RPF1: variants seen among roughly 807,000 people sequenced by gnomAD.
RPF1 encodes the protein ribosome production factor 1.
In RPF1, 34 loss-of-function variants were observed where a neutral mutation model predicts 41.9. That is an observed-to-expected ratio of 0.81 (90% CI 0.62 to 1.08). The LOEUF (loss-of-function observed/expected upper bound fraction) is 1.08. Ranked by LOEUF, RPF1 falls within the 50% of genes least tolerant of loss-of-function variation. The probability of loss-of-function intolerance (pLI) is 0.00; values close to 1 mark genes in which losing one functional copy is unlikely to be tolerated. For synonymous variants in RPF1, 140 were observed against 148.9 expected (o/e 0.94, Z 0.43); for missense variants, 425 against 435.2 (o/e 0.98, Z 0.21).
At position 84,481,022 on chromosome 1, in the gene RPF1, A is replaced by C; in HGVS notation, c.285+10A>C. The C allele has an allele frequency of 6.5e-7, 1 of 1,541,046 alleles. No homozygotes were observed. Among genetic ancestry groups the C allele is most frequent in the Non-Finnish European group, 8.9e-7 (1 of 1,124,264 alleles). On this transcript the variant is annotated intron_variant, in intron 2 of 8. Coordinates refer to ENST00000370654, the MANE Select transcript of RPF1 (RefSeq NM_025065.7). ...GGCTCTTGGCGATAAGGTAAATAAA[A>C]TTTTTAGCTGTTTGCTTTCTATCTT... is the stretch of plus-strand genomic sequence containing the variant.
At chr1:84,489,879 G>A (rs1236645791) in intron 4 of RPF1, 151 bp downstream of exon 4, 1 of 598,336 alleles carries the variant, frequency 1.7e-6, no homozygotes, top group Admixed American at 2.9e-5. Flanking sequence ...GTAATATGAT[G>A]TAGGTTTACT....
intron 3 of RPF1, among the ~76,000 whole-genome samples, chr1:84,488,030 C>T (rs921174587): frequency 5.3e-5 from 8 of 151,970 alleles, no homozygotes; most frequent in African/African-American, 1.4e-4. Flanking sequence ...CTATTTGCTT[C>T]GTCAGTTTGT....
intron 3 of RPF1, among the ~76,000 whole-genome samples, chr1:84,483,542 C>T (rs12134893): frequency 0.021 from 3,190 of 152,292 alleles, 54 homozygotes; most frequent in South Asian, 0.041. Flanking sequence ...GCTGGGATTA[C>T]AGGCATGAGC....
Position 84,479,285 on chromosome 1 carries a change from G to T in RPF1, c.4G>T (p.Ala2Ser). M[A>S]KAGDKSSSSG... is the part of the protein sequence containing the mutation. ...CGGAAGCAAAGGAGCCAAGACCATG[G>T]CGAAAGCCGGGGATAAGAGCAGCAG... The change falls in exon 1 of 9, where the codon GCG becomes TCG. Residue 2 changes from alanine to serine, a missense_variant. Physicochemically the swap from Ala to Ser is moderately conservative, Grantham distance 99. Coordinates refer to ENST00000370654, the MANE Select transcript of RPF1 (RefSeq NM_025065.7). The T allele has an allele frequency of 6.3e-7, 1 of 1,597,122 alleles. No individual in the cohort carries two copies.
intron 5 of RPF1, 124 bp downstream of exon 5, chr1:84,490,596 G>A (rs1312830601): frequency 4.3e-6 from 3 of 693,418 alleles, no homozygotes; most frequent in Non-Finnish European, 6.8e-6. Flanking sequence ...TCAGAAAATT[G>A]TATCTCTTTC....
chr1:84,490,296 A>T, intron 4 of RPF1, 23 bp from the exon 5 acceptor site: 1 of 1,498,640 alleles, frequency 6.7e-7, no homozygotes, highest in Non-Finnish European at 8.9e-7. Flanking sequence ...ACTATTCAAA[A>T]TTTTTGTTAT....
chr1:84,496,255 G>A lies in RPF1; in HGVS notation c.893G>A (p.Arg298Lys). 6.2e-7 allele frequency: 1 copy of A among 1,613,048 alleles called. No individual in the cohort carries two copies. Among genetic ancestry groups the A allele is most frequent in the Non-Finnish European group, 8.5e-7 (1 of 1,179,352 alleles). Residue 298 changes from arginine to lysine, a missense_variant, in exon 8 of 9, where the codon AGG becomes AAG. Transcript: ENST00000370654. ...IFFRFHRYIF[R>K]SEKKVGIQEL... Reference sequence around the variant, plus strand: ...TTTTGTCTTTGAAGATACATATTCAGGAGTGAAAAGAAAGTGGGAATTCAG... The same window carrying A: ...TTTTGTCTTTGAAGATACATATTCAAGAGTGAAAAGAAAGTGGGAATTCAG...
chr1:84,495,755 GGTA>G, intron 6 of RPF1, 124 bp from the exon 7 acceptor site: 2 of 606,544 alleles, frequency 3.3e-6, no homozygotes, highest in East Asian at 2.9e-5. Context: ...AGCCATCTGT[GGTA>G]GTTTGTCACT....
chr1:84,495,827 C>G (rs915132983), intron 6 of RPF1, 55 bp from the exon 7 acceptor site: 1 of 1,136,970 alleles, frequency 8.8e-7, no homozygotes. Context: ...TGCATTGGGA[C>G]GTATTGCCAA....
chr1:84,485,849 G>C (rs181803084), intron 3 of RPF1, among the ~76,000 whole-genome samples: 25 of 152,246 alleles, frequency 1.6e-4, no homozygotes, highest in Middle Eastern at 3.4e-3. Context: ...GTATATCACT[G>C]TAGTTTTAAT....
Position 84,497,849 on chromosome 1 carries a change from A to G in RPF1, c.*379A>G, listed in dbSNP as rs1241582931. 1.9e-5 allele frequency: 3 copies of G among 160,044 alleles called. No homozygotes were observed. The highest frequency in any genetic ancestry group is 1.3e-4 in the Admixed American group (2 of 15,530). The allele number at this position is 160,044 out of a possible 1,614,324, so 9.9% of individuals were successfully genotyped here. A position where few individuals can be genotyped will look rare whatever the true frequency, so the allele number is the denominator to read the frequency against. ...ACCTTGGATTCCCAGTGTCTGGCAC[A>G]GTTTTAATAGCTTAAATGGAGGCCA... is the stretch of plus-strand genomic sequence containing the variant. On this transcript the variant is annotated 3_prime_UTR_variant, in exon 9 of 9. Coordinates refer to ENST00000370654, the MANE Select transcript of RPF1 (RefSeq NM_025065.7).
chr1:84,483,035 A>G (rs376926225), intron 3 of RPF1, 40 bp downstream of exon 3: 17 of 1,219,816 alleles, frequency 1.4e-5, no homozygotes, highest in Non-Finnish European at 1.8e-5. Flanking sequence ...ATGATCACAT[A>G]TAATTGATAA....
rs1286594606 is a variant in RPF1 at position 84,479,658 on chromosome 1, G to C, written c.228+149G>C. ...GGTGGCGTCGCGGCCCACGTGTTCT[G>C]GTCCCCTCGCCCTAGTTTGGAGACT... On this transcript the variant is annotated intron_variant, in intron 1 of 8. Coordinates refer to ENST00000370654, the MANE Select transcript of RPF1 (RefSeq NM_025065.7). 1.1e-5 allele frequency: 8 copies of C among 710,070 alleles called. No individual in the cohort carries two copies. In the Admixed American group the frequency reaches 2.3e-4, roughly 21 times the overall value. The allele number at this position is 710,070 out of a possible 1,614,324, so 44.0% of individuals were successfully genotyped here.
intron 2 of RPF1, 36 bp downstream of exon 2, chr1:84,481,048 A>AT: frequency 2.6e-6 from 3 of 1,175,166 alleles, no homozygotes; most frequent in Non-Finnish European, 2.5e-6. Context: ...TTTCTATCTT[A>AT]TATTAGGGAA....
At chr1:84,494,838 G>A (rs1451794519) in intron 5 of RPF1, among the ~76,000 whole-genome samples, 1 of 152,152 alleles carries the variant, frequency 6.6e-6, no homozygotes, top group Non-Finnish European at 1.5e-5. Context: ...CTAAGTAAGG[G>A]GTGATCTCTT....
intron 5 of RPF1, among the ~76,000 whole-genome samples, chr1:84,493,062 C>T (rs772042556): frequency 5.3e-5 from 8 of 152,076 alleles, no homozygotes; most frequent in African/African-American, 9.7e-5. Context: ...GCCTCTTGCA[C>T]AATGCAGGTA....
At chr1:84,492,716 C>G (rs930486861) in intron 5 of RPF1, among the ~76,000 whole-genome samples, 7 of 152,160 alleles carry the variant, frequency 4.6e-5, no homozygotes, top group African/African-American at 1.7e-4. Flanking sequence ...AAATGGGGAA[C>G]TACTGTTATT....
Position 84,497,544 on chromosome 1 carries a change from T to C in RPF1, c.*74T>C. The C allele has an allele frequency of 8.8e-7, 1 of 1,138,580 alleles. No homozygotes were observed. Among genetic ancestry groups the C allele is most frequent in the Non-Finnish European group, 1.3e-6 (1 of 789,822 alleles). 70.5% of individuals were successfully genotyped at this position (1,138,580 alleles called of 1,614,324 possible). On this transcript the variant is annotated 3_prime_UTR_variant, in exon 9 of 9. Transcript: ENST00000370654. ...CTTTGGTAAATTATTTTTGACAGAA[T>C]ACTCTTTTCAAAATGGCATTTGCTG...
intron 3 of RPF1, among the ~76,000 whole-genome samples, chr1:84,489,330 A>G (rs1200164992): frequency 2.6e-5 from 4 of 151,206 alleles, no homozygotes; most frequent in Non-Finnish European, 4.4e-5. Context: ...TTTTGTGGTT[A>G]TTGTTTTTAC....
Sources: gnomAD v4.1 joint callset for allele counts (sites outside exome capture counted in the v4.1 genomes callset) on GRCh38, gnomAD v4.1.1 for gene constraint, MANE v1.5 for transcripts, NCBI Gene and HGNC (gene_info 2026-07-23, HGNC 2026-07-21) for gene names.